The following DDX24 variants were observed in gnomAD, a reference collection of about 807,000 sequenced individuals.
DDX24 encodes ATP-dependent RNA helicase DDX24.
A neutral mutation model predicts 68.9 loss-of-function variants in DDX24; 24 were observed. That is an observed-to-expected ratio of 0.35 (90% CI 0.25 to 0.49). The LOEUF is 0.49. DDX24 is among the 20% of genes least tolerant of loss of function. DDX24 has a pLI of 0.99. For missense variants in DDX24, 989 were observed against 1,039.0 expected (o/e 0.95, Z 0.66); for synonymous variants, 395 against 385.2 (o/e 1.03, Z -0.30).
intron 8 of DDX24, chr14:94,051,881 CA>C (rs1479622368): frequency 1.8e-5 from 3 of 164,752 alleles, no homozygotes; most frequent in Admixed American, 6.4e-5. Flanking sequence ...TTACAACCCC[CA>C]CCTCCCTGCC....
intron 6 of DDX24, chr14:94,056,758 G>A (rs1460897590): frequency 1.3e-5 from 2 of 152,172 alleles, no homozygotes; most frequent in East Asian, 3.9e-4. Flanking sequence ...GGGATCTGAG[G>A]CTATCTCCAG....
Position 94,079,055 on chromosome 14 carries a change from T to G in DDX24, c.688A>C (p.Lys230Gln). ...ALTLAPAIRD[K>Q]LDILGAAETG... ...TCAGCAGCCCCAAGGATGTCCAGTT[T>G]GTCACGGATGGCAGGTGCCAAGGTC... The change falls in exon 2 of 9, where the codon AAA (lysine) becomes CAA (glutamine). Residue 230 changes from lysine to glutamine, a missense_variant. Physicochemically the swap from Lys to Gln is moderately conservative, Grantham distance 53. This residue lies in a region of DDX24 where 295 missense variants were observed against 263.0 expected (regional missense o/e 1.12). Coordinates refer to ENST00000621632, the MANE Select transcript of DDX24 (RefSeq NM_020414.4). 3 of 1,614,064 alleles carry G rather than the reference T, an allele frequency of 1.9e-6. No homozygotes were observed. Among genetic ancestry groups the G allele is most frequent in the Non-Finnish European group, 2.5e-6 (3 of 1,179,970 alleles).
Position 94,060,901 on chromosome 14 carries a change from G to A in DDX24, c.1397+12C>T. ...AGGCAGTGAGGGGGAAAAGAGAAGT[G>A]CCATCTATTACCTGAGCTGCCGAAG... On this transcript the variant is annotated intron_variant, in intron 4 of 8. Transcript: ENST00000621632. 1 of 1,613,602 alleles carries A rather than the reference G, an allele frequency of 6.2e-7. No individual in the cohort carries two copies.
chr14:94,079,662 T>C lies in DDX24; in HGVS notation c.81A>G (p.Gly27=). The C allele has an allele frequency of 6.2e-7, 1 of 1,614,188 alleles. No homozygotes were observed. The highest frequency in any genetic ancestry group is 8.5e-7 in the Non-Finnish European group (1 of 1,180,036). ...KFQTKGIKVV[G]KWKEVKIDPN... is the part of the protein sequence containing the mutation. The stretch of plus-strand genomic sequence containing the variant: ...GGTCAATCTTCACTTCCTTCCATTT[T>C]CCCACAACTTTGATTCCCTTTGTCT... The change falls in exon 2 of 9, where the codon GGA becomes GGG. Residue 27 remains glycine, a synonymous_variant. Transcript: ENST00000621632.
intron 3 of DDX24, among the ~76,000 whole-genome samples, chr14:94,061,828 T>A (rs1885603217): frequency 6.6e-6 from 1 of 152,200 alleles, no homozygotes; most frequent in African/African-American, 2.4e-5. Context: ...CAAAACTTTA[T>A]TTATAAAACC....
At chr14:94,054,544 A>G (rs1885455523) in intron 7 of DDX24, among the ~76,000 whole-genome samples, 1 of 152,198 alleles carries the variant, frequency 6.6e-6, no homozygotes, top group Non-Finnish European at 1.5e-5. Flanking sequence ...TTTGGTCACT[A>G]ATACAGTGTC....
At chr14:94,053,251 C>CA in intron 7 of DDX24, 124 bp from the exon 8 acceptor site, 1 of 1,307,706 alleles carries the variant, frequency 7.6e-7, no homozygotes, top group Non-Finnish European at 1.0e-6. Context: ...GGCTGGAGAG[C>CA]AGTGGCATGA....
intron 6 of DDX24, chr14:94,055,522 C>T: frequency 3.4e-6 from 1 of 291,130 alleles, no homozygotes; most frequent in Admixed American, 4.6e-5. Context: ...ACGGTCTCTA[C>T]TCCTATATAT....
chr14:94,077,870 TAA>T (rs34265498), intron 2 of DDX24, among the ~76,000 whole-genome samples: 112 of 144,976 alleles, frequency 7.7e-4, no homozygotes, highest in Admixed American at 1.0e-3. Context: ...GAAAATTTAG[TAA>T]AAAAAAAAAA....
rs967783187 is a variant in DDX24 at position 94,050,066 on chromosome 14, T to C, written c.*1125A>G. ...CCTTGAACTAAACAGCTGTATTGTA[T>C]TGTGCCCCGACGAATACCTGTTTGG... On this transcript the variant is annotated 3_prime_UTR_variant, in exon 9 of 9. Coordinates refer to ENST00000621632, the MANE Select transcript of DDX24 (RefSeq NM_020414.4). 2.6e-5 allele frequency: 4 copies of C among 152,224 alleles called. No individual in the cohort carries two copies. The highest frequency in any genetic ancestry group is 2.6e-4 in the Admixed American group (4 of 15,282). The allele number at this position is 152,224 out of a possible 1,614,324, so 9.4% of individuals were successfully genotyped here.
chr14:94,058,989 C>A (rs1362630610), intron 5 of DDX24, among the ~76,000 whole-genome samples: 3 of 152,110 alleles, frequency 2.0e-5, no homozygotes, highest in African/African-American at 4.8e-5. Context: ...GTAGTCCTAG[C>A]TACTTAGGAG....
rs1196041849 is a variant in DDX24, at chr14:94,052,998, C to G, written c.2308G>C (p.Gly770Arg). The G allele has an allele frequency of 6.2e-7, 1 of 1,613,314 alleles. No individual in the cohort carries two copies. Among genetic ancestry groups the G allele is most frequent in the Non-Finnish European group, 8.5e-7 (1 of 1,179,626 alleles). Residue 770 changes from glycine to arginine, a missense_variant and splice_region_variant, in exon 8 of 9, where the codon GGA (glycine) becomes CGA (arginine). This residue lies in a region of DDX24 where 691 missense variants were observed against 760.0 expected (regional missense o/e 0.91). Coordinates refer to ENST00000621632, the MANE Select transcript of DDX24 (RefSeq NM_020414.4). ...ATTCCCATCCCGCCCAAGGGCTTAC[C>G]CTTATACATGTCTTCTTCCAGCTCA... is the stretch of plus-strand genomic sequence containing the variant. ...EIELEEDMYK[G>R]GKADQQEERR...
chr14:94,073,210 C>A (rs1335080187), intron 2 of DDX24, among the ~76,000 whole-genome samples: 1 of 151,944 alleles, frequency 6.6e-6, no homozygotes, highest in East Asian at 1.9e-4. Context: ...CTCAGCCCCC[C>A]AAGCAGCTGG....
chr14:94,072,904 A>T (rs112033469), intron 2 of DDX24, among the ~76,000 whole-genome samples: 5,922 of 152,150 alleles, frequency 0.039, 346 homozygotes, highest in African/African-American at 0.13. Context: ...GGAAAAATTT[A>T]AAAAAATTAA....
At chr14:94,062,753 A>G in intron 2 of DDX24, 132 bp from the exon 3 acceptor site, 1 of 1,079,612 alleles carries the variant, frequency 9.3e-7, no homozygotes, top group Non-Finnish European at 1.3e-6. Flanking sequence ...AAGCTCCTCC[A>G]CTCTACACAG....
chr14:94,056,248 G>A (rs561152821), intron 6 of DDX24: 5 of 152,320 alleles, frequency 3.3e-5, no homozygotes, highest in African/African-American at 1.2e-4. Context: ...CAAAAGTAAT[G>A]TCTTTTTGTA....
At chr14:94,076,173 T>C (rs1885934993) in intron 2 of DDX24, among the ~76,000 whole-genome samples, 1 of 152,226 alleles carries the variant, frequency 6.6e-6, no homozygotes, top group Admixed American at 6.5e-5. Context: ...ACAATAACTA[T>C]ATTTGTAATA....
chr14:94,067,816 AC>A (rs2141430816), intron 2 of DDX24, among the ~76,000 whole-genome samples: 1 of 71,296 alleles, frequency 1.4e-5, no homozygotes, highest in South Asian at 4.1e-4. Context: ...AGCCACCACT[AC>A]AAGAACTGCT....
intron 2 of DDX24, among the ~76,000 whole-genome samples, chr14:94,072,351 A>G (rs561863319): frequency 1.3e-5 from 2 of 152,392 alleles, no homozygotes; most frequent in South Asian, 4.1e-4. Flanking sequence ...TAACTCAGGA[A>G]TGGAAAACCA....
Sources: gnomAD v4.1 joint callset for allele counts (sites outside exome capture counted in the v4.1 genomes callset) on GRCh38, gnomAD v4.1.1 for gene constraint, gnomAD v4.1.1 regional missense constraint, MANE v1.5 for transcripts, NCBI Gene and HGNC (gene_info 2026-07-23, HGNC 2026-07-21) for gene names.